SEMA3E: variants seen among roughly 807,000 people sequenced by gnomAD.
The protein encoded by SEMA3E is semaphorin-3E.
In SEMA3E, 49 loss-of-function variants were observed where a neutral mutation model predicts 93.6. That is an observed-to-expected ratio of 0.52 (90% confidence interval 0.42 to 0.66). The LOEUF is 0.66. SEMA3E is among the 30% of genes least tolerant of loss of function. The pLI is 0.00. For missense variants in SEMA3E, 906 were observed against 964.8 expected, an observed-to-expected ratio of 0.94 and a Z score of 0.81; for synonymous variants, 363 against 330.7, an observed-to-expected ratio of 1.10 and a Z score of -1.06.
At chr7:83,629,818 C>T (rs774879263) in intron 1 of SEMA3E, among the ~76,000 whole-genome samples, 31 of 152,238 alleles carry the variant, frequency 2.0e-4, no homozygotes, top group South Asian at 8.3e-4. Flanking sequence ...CACTGGCGTT[C>T]CAGGCACCAC....
chr7:83,501,352 T>C (rs1035985200), intron 1 of SEMA3E, among the ~76,000 whole-genome samples: 1 of 152,252 alleles, frequency 6.6e-6, no homozygotes, highest in Admixed American at 6.5e-5. Flanking sequence ...ATTTCGGTTT[T>C]ATCTCAACTC....
At chr7:83,476,907 C>A (rs1790023039) in intron 2 of SEMA3E, among the ~76,000 whole-genome samples, 1 of 152,112 alleles carries the variant, frequency 6.6e-6, no homozygotes, top group Admixed American at 6.5e-5. Flanking sequence ...TCACAATACC[C>A]CTACAATATA....
chr7:83,465,609 C>T (rs1047826395), intron 4 of SEMA3E, among the ~76,000 whole-genome samples: 2 of 152,136 alleles, frequency 1.3e-5, no homozygotes, highest in Non-Finnish European at 2.9e-5. Context: ...GCTGCACTTT[C>T]ATAAATGGAA....
intron 1 of SEMA3E, among the ~76,000 whole-genome samples, chr7:83,562,493 T>TTTA (rs1792051573): frequency 6.6e-6 from 1 of 150,742 alleles, no homozygotes; most frequent in Non-Finnish European, 1.5e-5. Flanking sequence ...TATTTATTTA[T>TTTA]TTATTTATTT....
chr7:83,513,001 G>T (rs1378273249), intron 1 of SEMA3E, among the ~76,000 whole-genome samples: 1 of 152,052 alleles, frequency 6.6e-6, no homozygotes, highest in East Asian at 1.9e-4. Flanking sequence ...GGATAGTAAA[G>T]AATTTATATT....
chr7:83,623,040 G>A (rs189901437), intron 1 of SEMA3E, among the ~76,000 whole-genome samples: 185 of 152,154 alleles, frequency 1.2e-3, no homozygotes, highest in African/African-American at 4.3e-3. Flanking sequence ...ATTGATGTCA[G>A]GGTGATGCTT....
chr7:83,550,039 A>C (rs956180763), intron 1 of SEMA3E, among the ~76,000 whole-genome samples: 2 of 151,228 alleles, frequency 1.3e-5, no homozygotes, highest in African/African-American at 4.9e-5. Flanking sequence ...TAAAAACCAC[A>C]GTTTTATTTA....
At chr7:83,391,902 A>G (rs1038942193) in intron 14 of SEMA3E, among the ~76,000 whole-genome samples, 3 of 152,084 alleles carry the variant, frequency 2.0e-5, no homozygotes, top group Admixed American at 2.0e-4. Context: ...TTATTCTGTA[A>G]GAAATAAAAA....
Position 83,539,855 on chromosome 7 carries a change from C to CTGTGTGTGTGTGTGTGTGTGTGTG in SEMA3E, c.116-49605_116-49582dup, listed in dbSNP as rs59200828. The stretch of plus-strand genomic sequence containing the variant: ...ACTTTTTTGTTTTGTTTTGTTGTTT[C>CTGTGTGTGTGTGTGTGTGTGTGTG]TGTGTGTGTGTGTGTGTGTGTGTGT... On this transcript the variant is annotated intron_variant, in intron 1 of 16. Coordinates refer to ENST00000643230, the MANE Select transcript of SEMA3E (RefSeq NM_012431.3). Among the ~76,000 whole-genome samples, 4 of 122,696 alleles carry CTGTGTGTGTGTGTGTGTGTGTGTG rather than the reference C, an allele frequency of 3.3e-5. 1 individual carries two copies. Among genetic ancestry groups the CTGTGTGTGTGTGTGTGTGTGTGTG allele is most frequent in the South Asian group, 2.8e-4 (1 of 3,526 alleles). The allele number at this position is 122,696 out of a possible 152,430, so 80.5% of individuals were successfully genotyped here.
chr7:83,532,574 T>C (rs115667761), intron 1 of SEMA3E, among the ~76,000 whole-genome samples: 2,156 of 152,268 alleles, frequency 0.014, 61 homozygotes, highest in African/African-American at 0.049. Context: ...TGTATTGCCC[T>C]GGTAAAAACA....
intron 1 of SEMA3E, among the ~76,000 whole-genome samples, chr7:83,519,827 C>A (rs1038763463): frequency 1.3e-5 from 2 of 152,068 alleles, no homozygotes; most frequent in African/African-American, 4.8e-5. Context: ...TCTTTCTTAT[C>A]TTTGCTATTT....
chr7:83,593,300 GT>G (rs1792797262), intron 1 of SEMA3E, among the ~76,000 whole-genome samples: 1 of 54,530 alleles, frequency 1.8e-5, no homozygotes, highest in Admixed American at 2.3e-4. Flanking sequence ...GTGTGTGTGT[GT>G]GTGTGTGTGT....
intron 1 of SEMA3E, among the ~76,000 whole-genome samples, chr7:83,549,236 CAT>C (rs1791711961): frequency 6.6e-6 from 1 of 152,056 alleles, no homozygotes; most frequent in Non-Finnish European, 1.5e-5. Context: ...TATACTTTAA[CAT>C]GTTATCTCAT....
chr7:83,408,271 G>C, intron 6 of SEMA3E, 97 bp downstream of exon 6: 4 of 1,380,458 alleles, frequency 2.9e-6, no homozygotes, highest in Non-Finnish European at 3.0e-6. Flanking sequence ...TAAAGGAATT[G>C]TATTTATATT....
intron 13 of SEMA3E, among the ~76,000 whole-genome samples, chr7:83,393,096 C>T (rs964122363): frequency 2.0e-5 from 3 of 150,518 alleles, no homozygotes; most frequent in Non-Finnish European, 4.4e-5. Flanking sequence ...TTTATACTTT[C>T]ATTTCTCTAA....
intron 1 of SEMA3E, among the ~76,000 whole-genome samples, chr7:83,633,719 T>G (rs1584377609): frequency 6.6e-6 from 1 of 151,692 alleles, no homozygotes; most frequent in East Asian, 1.9e-4. Context: ...TGGGAGAGAG[T>G]GTGGGCAACC....
intron 4 of SEMA3E, among the ~76,000 whole-genome samples, chr7:83,443,401 A>C (rs1789158901): frequency 6.6e-6 from 1 of 152,196 alleles, no homozygotes; most frequent in Non-Finnish European, 1.5e-5. Flanking sequence ...GAACTGGCTT[A>C]GGTCACAGAA....
chr7:83,583,618 A>G (rs1792559328), intron 1 of SEMA3E, among the ~76,000 whole-genome samples: 1 of 152,072 alleles, frequency 6.6e-6, no homozygotes, highest in Non-Finnish European at 1.5e-5. Context: ...GTTCTCACCC[A>G]ATTATAACAA....
rs568535871 is a variant in SEMA3E at position 83,556,795 on chromosome 7, T to C, written c.116-66521A>G. ...AAGAGGTCTGGTCATTGGGAGGTCATTAGGTCATGAGGGTTCTGCCCTCAT... is the reference window on the plus strand; with the variant it reads ...AAGAGGTCTGGTCATTGGGAGGTCACTAGGTCATGAGGGTTCTGCCCTCAT... On this transcript the variant is annotated intron_variant, in intron 1 of 16. Transcript: ENST00000643230. Among the ~76,000 whole-genome samples the C allele has an allele frequency of 2.2e-3, 332 of 152,288 alleles. 1 individual carries two copies. Among genetic ancestry groups the C allele is most frequent in the Non-Finnish European group, 3.6e-3 (243 of 68,006 alleles).
Sources: gnomAD v4.1 joint callset for allele counts (sites outside exome capture counted in the v4.1 genomes callset) on GRCh38, gnomAD v4.1.1 for gene constraint, MANE v1.5 for transcripts, NCBI Gene and HGNC (gene_info 2026-07-23, HGNC 2026-07-21) for gene names.